Variants in SOS1 observed in about 807,000 individuals in gnomAD.
SOS1 encodes the protein SOS Ras/Rac guanine nucleotide exchange factor 1.
A neutral mutation model predicts 157.6 loss-of-function variants in SOS1; 25 were observed. The observed-to-expected ratio is 0.16, with a 90% CI of 0.12 to 0.22. SOS1 has a LOEUF of 0.22. SOS1 is among the 10% of genes least tolerant of loss of function. The pLI, the probability that SOS1 is intolerant of heterozygous loss-of-function variation, is 1.00. For synonymous variants in SOS1, 528 were observed against 534.0 expected (o/e 0.99, Z 0.16); for missense variants, 1,237 against 1,599.1 (o/e 0.77, Z 3.86).
intron 5 of SOS1, among the ~76,000 whole-genome samples, chr2:39,052,324 T>C (rs1350818986): frequency 3.3e-5 from 5 of 152,226 alleles, no homozygotes; most frequent in Admixed American, 3.3e-4. Context: ...CTTTGAGGCA[T>C]AGTTTATATA....
At position 39,058,810 on chromosome 2, in the gene SOS1, A is replaced by G; in HGVS notation, c.214-6T>C. ...AAACTTTTTTGAACACGTTCCTTGGAAAATAGGAAAATAACAACTAAGCAA... is the reference window on the plus strand; with the variant it reads ...AAACTTTTTTGAACACGTTCCTTGGGAAATAGGAAAATAACAACTAAGCAA... On this transcript the variant is annotated splice_region_variant and splice_polypyrimidine_tract_variant and intron_variant, in intron 2 of 22. Coordinates refer to ENST00000402219, the MANE Select transcript of SOS1 (RefSeq NM_005633.4). The G allele has an allele frequency of 6.2e-7, 1 of 1,609,358 alleles. No homozygotes were observed. Among genetic ancestry groups the G allele is most frequent in the South Asian group, 1.1e-5 (1 of 90,750 alleles).
At chr2:39,120,273 C>T in intron 1 of SOS1, 63 bp downstream of exon 1, 1 of 1,462,340 alleles carries the variant, frequency 6.8e-7, no homozygotes. Context: ...GCCTCCCCAG[C>T]CCTTCCCCAG....
chr2:39,039,552 T>C (rs113698560), intron 6 of SOS1, among the ~76,000 whole-genome samples: 1,859 of 152,340 alleles, frequency 0.012, 21 homozygotes, highest in Non-Finnish European at 0.019. Context: ...ACTTATATGG[T>C]TGTGCGCCAT....
At chr2:39,046,495 C>CTTTTTTTTTTTTTTT (rs201639147) in intron 6 of SOS1, among the ~76,000 whole-genome samples, 2 of 124,404 alleles carry the variant, frequency 1.6e-5, no homozygotes, top group African/African-American at 6.6e-5. Flanking sequence ...GAGACAGTGT[C>CTTTTTTTTTTTTTTT]TTTTTTTTTT....
At position 39,006,424 on chromosome 2, in the gene SOS1, C is replaced by T. The variant is rs1296970890; in HGVS notation, c.2779G>A (p.Val927Met). The change falls in exon 17 of 23, where the codon GTG (valine) becomes ATG (methionine). Residue 927 changes from valine to methionine, a missense_variant. Coordinates refer to ENST00000402219, the MANE Select transcript of SOS1 (RefSeq NM_005633.4). ...AAGAAATACTTACCAAAGAAAGGCA[C>T]ACATGGTGGATTAATAGACCTGAGT... Reference protein sequence around the residue: ...AKLRSINPPCVPFFGIYLTNI... With the variant: ...AKLRSINPPCMPFFGIYLTNI... The T allele has an allele frequency of 6.8e-7, 1 of 1,468,048 alleles. No individual in the cohort carries two copies. The allele number at this position is 1,468,048 out of a possible 1,614,324, so 90.9% of individuals were successfully genotyped here.
intron 6 of SOS1, among the ~76,000 whole-genome samples, chr2:39,038,340 G>T (rs151116126): frequency 6.6e-6 from 1 of 152,164 alleles, no homozygotes; most frequent in Non-Finnish European, 1.5e-5. Context: ...GAAATAGAAA[G>T]AGAAATAGGA....
In SOS1 at chr2:39,089,706, C is replaced by G. The variant is rs190272783; in HGVS notation, c.88-21953G>C. On this transcript the variant is annotated intron_variant, in intron 1 of 22. Coordinates refer to ENST00000402219, the MANE Select transcript of SOS1 (RefSeq NM_005633.4). ...AGAGGGCAGTGACTGTCTCACTTAT[C>G]TTCATATCCTAACACTTCCCATGTT... 1.1e-4 allele frequency among the ~76,000 whole-genome samples: 16 copies of G among 152,240 alleles called. No individual in the cohort carries two copies. The East Asian group carries it at 2.1e-3, about 20-fold the overall frequency.
intron 9 of SOS1, 53 bp from the exon 10 acceptor site, chr2:39,023,278 C>T (rs2124538064): frequency 1.5e-6 from 2 of 1,362,542 alleles, no homozygotes; most frequent in South Asian, 2.4e-5. Flanking sequence ...AAACCTAGAG[C>T]TCATGTAAGT....
chr2:39,053,075 C>T (rs1296238661), intron 5 of SOS1, among the ~76,000 whole-genome samples: 1 of 152,124 alleles, frequency 6.6e-6, no homozygotes, highest in East Asian at 1.9e-4. Flanking sequence ...ATCGCTTGAA[C>T]CTGGGAGGCA....
At chr2:39,096,758 C>T (rs1224031254) in intron 1 of SOS1, among the ~76,000 whole-genome samples, 2 of 151,822 alleles carry the variant, frequency 1.3e-5, no homozygotes, top group Non-Finnish European at 1.5e-5. Flanking sequence ...TGGTGGCGGG[C>T]GCCTGTAGTC....
intron 6 of SOS1, among the ~76,000 whole-genome samples, chr2:39,041,130 C>T (rs768719058): frequency 5.9e-5 from 9 of 152,230 alleles, no homozygotes; most frequent in Admixed American, 2.0e-4. Context: ...GTGATTATGG[C>T]TCACTGCAGC....
chr2:39,035,220 G>C lies in SOS1; in HGVS notation c.1066C>G (p.Leu356Val). The change falls in exon 8 of 23, where the codon CTT becomes GTT. Residue 356 changes from leucine to valine, a missense_variant. Around this residue, in one of 15 missense-constraint regions of SOS1, gnomAD observed 101 missense variants for 171.5 expected, o/e 0.59. Coordinates refer to ENST00000402219, the MANE Select transcript of SOS1 (RefSeq NM_005633.4). ...PVYHCLHYFE[L>V]LKQLEEKSED... The stretch of plus-strand genomic sequence containing the variant: ...ATAAAGAGTTTTCTTACCTTCAAAA[G>C]TTCAAAGTAATGGAGACAGTGGTAA... The C allele has an allele frequency of 6.2e-7, 1 of 1,609,070 alleles. No individual in the cohort carries two copies. The highest frequency in any genetic ancestry group is 2.2e-5 in the East Asian group (1 of 44,818).
At chr2:39,085,753 A>T (rs1558506558) in intron 1 of SOS1, among the ~76,000 whole-genome samples, 1 of 152,180 alleles carries the variant, frequency 6.6e-6, no homozygotes, top group East Asian at 1.9e-4. Context: ...TCCACCTACA[A>T]ATTTTTATCA....
At chr2:39,029,081 G>A (rs1670070468) in intron 8 of SOS1, among the ~76,000 whole-genome samples, 2 of 152,222 alleles carry the variant, frequency 1.3e-5, no homozygotes, top group East Asian at 3.9e-4. Context: ...AAAAGCTGAG[G>A]GAAAGAAAGG....
In SOS1 at chr2:39,120,564, C is replaced by A; in HGVS notation, c.-142G>T. 2 of 988,548 alleles carry A rather than the reference C, an allele frequency of 2.0e-6. No individual in the cohort carries two copies. Among genetic ancestry groups the A allele is most frequent in the Non-Finnish European group, 2.4e-6 (2 of 819,850 alleles). The allele number at this position is 988,548 out of a possible 1,614,324, so 61.2% of individuals were successfully genotyped here. A position where few individuals can be genotyped will look rare whatever the true frequency, so the allele number is the denominator to read the frequency against. On this transcript the variant is annotated 5_prime_UTR_variant, in exon 1 of 23. It removes the in-frame stop codon of an upstream open reading frame in the 5' UTR. Transcript: ENST00000402219. The stretch of plus-strand genomic sequence containing the variant: ...CCCCTCCGGGCGCCGCGCAGCCGGG[C>A]TAGCCCTGGCGAGGGGGCTGGGGGG...
chr2:39,027,460 T>C (rs949147627), intron 8 of SOS1, among the ~76,000 whole-genome samples: 12 of 152,336 alleles, frequency 7.9e-5, no homozygotes, highest in African/African-American at 2.9e-4. Flanking sequence ...CTAAAATAAA[T>C]TTCAGTGTAA....
At chr2:39,117,750 T>C (rs1427229402) in intron 1 of SOS1, among the ~76,000 whole-genome samples, 1 of 152,124 alleles carries the variant, frequency 6.6e-6, no homozygotes, top group African/African-American at 2.4e-5. Context: ...GGAGACTCAA[T>C]TAGAGAAGTC....
intron 1 of SOS1, among the ~76,000 whole-genome samples, chr2:39,068,362 TTG>T: frequency 6.6e-6 from 1 of 152,272 alleles, no homozygotes; most frequent in East Asian, 1.9e-4. Context: ...AAGATACAGT[TTG>T]TATGTTTTTG....
intron 1 of SOS1, among the ~76,000 whole-genome samples, chr2:39,101,646 T>C (rs766445012): frequency 1.4e-4 from 22 of 152,038 alleles, no homozygotes; most frequent in Non-Finnish European, 2.8e-4. Context: ...GTTTAAAATA[T>C]ACTTAAAAAA....
Sources: allele counts gnomAD v4.1 joint callset (sites outside exome capture counted in the v4.1 genomes callset), GRCh38; gene constraint gnomAD v4.1.1; regional missense constraint gnomAD v4.1.1; transcripts MANE v1.5; gene names NCBI Gene and HGNC (gene_info 2026-07-23, HGNC 2026-07-21).